The following FAM227B variants were observed in gnomAD, a reference collection of about 807,000 sequenced individuals.
The protein encoded by FAM227B is protein FAM227B.
A neutral mutation model predicts 73.8 loss-of-function variants in FAM227B; 88 were observed. That is an observed-to-expected ratio of 1.19 (90% CI 1.00 to 1.42). The LOEUF (loss-of-function observed/expected upper bound fraction) is 1.42. FAM227B is among the 40% of genes most tolerant of loss of function. FAM227B has a pLI of 0.00. For missense variants in FAM227B, 632 were observed against 590.9 expected (o/e 1.07, Z -0.72); for synonymous variants, 210 against 190.5 (o/e 1.10, Z -0.84).
chr15:49,428,962 C>A (rs1224712364), intron 11 of FAM227B, among the ~76,000 whole-genome samples: 1 of 151,978 alleles, frequency 6.6e-6, no homozygotes, highest in African/African-American at 2.4e-5. Context: ...GCTACAAAAC[C>A]TTCAGCGACT....
rs1481249771 is a variant in FAM227B at position 49,485,884 on chromosome 15, GTGGCAGCAC to G, written c.1012+22318_1012+22326del. On this transcript the variant is annotated intron_variant, in intron 11 of 15. Coordinates refer to ENST00000299338, the MANE Select transcript of FAM227B (RefSeq NM_152647.3). ...TCTAGAAATCTCTGCTGTTCAAAAG[GTGGCAGCAC>G]TGAAAGTTGTTTTCCTGTTAGATGG... 7 of 152,036 alleles carry G rather than the reference GTGGCAGCAC, an allele frequency of 4.6e-5. No individual in the cohort carries two copies. In the East Asian group the frequency reaches 1.2e-3, roughly 25 times the overall value. The allele number at this position is 152,036 out of a possible 1,614,324, so 9.4% of individuals were successfully genotyped here.
intron 9 of FAM227B, among the ~76,000 whole-genome samples, chr15:49,551,335 C>T (rs1037336209): frequency 6.6e-6 from 1 of 152,144 alleles, no homozygotes; most frequent in Non-Finnish European, 1.5e-5. Flanking sequence ...GCTGAATTGA[C>T]CCCTTTATTA....
chr15:49,601,580 A>C (rs969701233), intron 3 of FAM227B, among the ~76,000 whole-genome samples: 1 of 152,198 alleles, frequency 6.6e-6, no homozygotes, highest in Non-Finnish European at 1.5e-5. Context: ...AATGCATAAT[A>C]ATCACGTCAT....
chr15:49,422,163 T>TGTGC (rs1193040543), intron 11 of FAM227B, among the ~76,000 whole-genome samples: 1 of 147,526 alleles, frequency 6.8e-6, no homozygotes, highest in African/African-American at 2.5e-5. Flanking sequence ...TGTGTGTGTG[T>TGTGC]GCGCGCGCGC....
rs77001209 is a variant in FAM227B, at chr15:49,346,510, T to G, written c.1272-11014A>C. ...GAGAGCTGTTCTCCTGCCTCCTTGC[T>G]TGGCAGCTTTGCCAATAAATCTTTT... On this transcript the variant is annotated intron_variant, in intron 13 of 15. Transcript: ENST00000299338. Among the ~76,000 whole-genome samples, 852 of 152,272 alleles carry G rather than the reference T, an allele frequency of 5.6e-3. 6 individuals carry two copies. Among genetic ancestry groups the G allele is most frequent in the African/African-American group, 0.02 (812 of 41,552 alleles).
At chr15:49,565,845 T>C (rs144765106) in intron 9 of FAM227B, among the ~76,000 whole-genome samples, 1 of 152,176 alleles carries the variant, frequency 6.6e-6, no homozygotes, top group Non-Finnish European at 1.5e-5. Flanking sequence ...TGAGGGAAAT[T>C]TGACTATAGA....
At chr15:49,510,220 T>C (rs1006910060) in intron 10 of FAM227B, among the ~76,000 whole-genome samples, 2 of 152,164 alleles carry the variant, frequency 1.3e-5, no homozygotes, top group Admixed American at 6.6e-5. Flanking sequence ...CTTTACATAA[T>C]ATCAACTGTT....
intron 9 of FAM227B, among the ~76,000 whole-genome samples, chr15:49,549,170 A>C (rs1386922831): frequency 6.6e-6 from 1 of 152,042 alleles, no homozygotes; most frequent in Non-Finnish European, 1.5e-5. Flanking sequence ...TACTGCTTTC[A>C]CCCTATTCCA....
chr15:49,391,933 T>A (rs563343537), intron 11 of FAM227B, among the ~76,000 whole-genome samples: 43 of 152,228 alleles, frequency 2.8e-4, no homozygotes, highest in Non-Finnish European at 3.1e-4. Context: ...ATGCCCTCCT[T>A]ACTCTTACTG....
At chr15:49,382,751 G>A (rs2046624875) in intron 11 of FAM227B, among the ~76,000 whole-genome samples, 1 of 152,040 alleles carries the variant, frequency 6.6e-6, no homozygotes, top group Admixed American at 6.6e-5. Context: ...TTCCCAGCTA[G>A]CTATTCTTGT....
intron 9 of FAM227B, among the ~76,000 whole-genome samples, chr15:49,553,945 C>A (rs1443923438): frequency 6.6e-6 from 1 of 152,168 alleles, no homozygotes; most frequent in East Asian, 1.9e-4. Flanking sequence ...TCACCCAGGG[C>A]CCTCAATGTA....
chr15:49,511,652 C>A (rs540480903), intron 10 of FAM227B, among the ~76,000 whole-genome samples: 2 of 152,172 alleles, frequency 1.3e-5, no homozygotes, highest in African/African-American at 4.8e-5. Context: ...TGTTCCCCTG[C>A]ATATGTCCTT....
intron 11 of FAM227B, among the ~76,000 whole-genome samples, chr15:49,384,231 AC>A (rs1208433847): frequency 6.6e-6 from 1 of 152,126 alleles, no homozygotes; most frequent in African/African-American, 2.4e-5. Context: ...GATTTGTGTT[AC>A]AACCAAAAAA....
chr15:49,474,960 A>T (rs1196898696), intron 11 of FAM227B, among the ~76,000 whole-genome samples: 1 of 151,758 alleles, frequency 6.6e-6, no homozygotes. Context: ...AGATGAATTT[A>T]AGATAATTTG....
intron 10 of FAM227B, 29 bp downstream of exon 10, chr15:49,541,648 CAAT>C (rs1195219987): frequency 5.9e-6 from 8 of 1,365,028 alleles, no homozygotes; most frequent in Non-Finnish European, 7.6e-6. Context: ...GAAACCAAAA[CAAT>C]GATTAATATT....
intron 11 of FAM227B, among the ~76,000 whole-genome samples, chr15:49,410,961 A>AGTGTGT (rs149188677): frequency 4.4e-5 from 5 of 114,474 alleles, no homozygotes; most frequent in South Asian, 5.6e-4. Flanking sequence ...AGCATTTGAG[A>AGTGTGT]GTGTGTGTGT....
chr15:49,351,310 C>T lies in FAM227B; in HGVS notation c.1272-15814G>A, dbSNP rs2151302300. Among the ~76,000 whole-genome samples, 4 of 152,328 alleles carry T rather than the reference C, an allele frequency of 2.6e-5. No homozygotes were observed. The East Asian group carries it at 7.7e-4, about 29-fold the overall frequency. On this transcript the variant is annotated intron_variant, in intron 13 of 15. Coordinates refer to ENST00000299338, the MANE Select transcript of FAM227B (RefSeq NM_152647.3). Reference sequence around the variant, plus strand: ...GTTAGTTTAATTCAGTACTTAGCCACTCCTTTTAGATCATGTTAAAGTCTT... The same window carrying T: ...GTTAGTTTAATTCAGTACTTAGCCATTCCTTTTAGATCATGTTAAAGTCTT...
At chr15:49,491,716 C>T (rs112799794) in intron 11 of FAM227B, among the ~76,000 whole-genome samples, 3 of 135,496 alleles carry the variant, frequency 2.2e-5, no homozygotes, top group African/African-American at 6.0e-5. Flanking sequence ...CACACACACA[C>T]ATATGCACAC....
intron 10 of FAM227B, among the ~76,000 whole-genome samples, chr15:49,536,109 C>G (rs1177956755): frequency 6.9e-6 from 1 of 143,984 alleles, no homozygotes; most frequent in African/African-American, 2.5e-5. Context: ...AAAGAAAAAA[C>G]TTGAAAATGG....
Sources: gnomAD v4.1 joint callset for allele counts (sites outside exome capture counted in the v4.1 genomes callset) on GRCh38, gnomAD v4.1.1 for gene constraint, MANE v1.5 for transcripts, NCBI Gene and HGNC (gene_info 2026-07-23, HGNC 2026-07-21) for gene names.